Variants in NWD2 observed in about 807,000 individuals in gnomAD.
The protein encoded by NWD2 is NACHT and WD repeat domain-containing protein 2.
Under a neutral mutation model 132.7 loss-of-function variants are expected in NWD2, and 37 were observed. The observed-to-expected ratio is 0.28, with a 90% CI of 0.21 to 0.37. The LOEUF is 0.37. Among genes scored for constraint, NWD2 ranks in the 10% least tolerant of loss-of-function variants. NWD2 has a pLI of 1.00. For synonymous variants in NWD2, 705 were observed against 803.0 expected (o/e 0.88, Z 2.06); for missense variants, 1,592 against 2,122.4 (o/e 0.75, Z 4.91).
At chr4:37,335,470 C>T (rs1394941626) in intron 2 of NWD2, among the ~76,000 whole-genome samples, 1 of 152,130 alleles carries the variant, frequency 6.6e-6, no homozygotes, top group Non-Finnish European at 1.5e-5. Flanking sequence ...CCCCCACTAA[C>T]TGGGAGCTCT....
intron 5 of NWD2, among the ~76,000 whole-genome samples, chr4:37,437,353 T>A (rs139059728): frequency 7.1e-4 from 108 of 152,264 alleles, no homozygotes; most frequent in African/African-American, 2.5e-3. Context: ...CTCTGAGATC[T>A]CTTTTATATG....
rs539754619 is a variant in NWD2, at chr4:37,325,957, C to T, written c.173C>T (p.Ala58Val). Residue 58 changes from alanine (A) to valine (V), a missense_variant, in exon 2 of 7, where the codon GCG becomes GTG. By Grantham distance (64) the Ala-to-Val change is moderately conservative (BLOSUM62 0). This residue lies in a region of NWD2 where 88 missense variants were observed against 92.8 expected (regional missense o/e 0.95). Coordinates refer to ENST00000309447, the MANE Select transcript of NWD2 (RefSeq NM_001144990.2). Reference protein sequence around the residue: ...NPEDTGAERQALRENVYPKLR... With the variant: ...NPEDTGAERQVLRENVYPKLR... Reference sequence around the variant, plus strand: ...ACAGATACGGGAGCAGAAAGACAGGCGCTAAGAGAAAATGTATATCCTAAA... The same window carrying T: ...ACAGATACGGGAGCAGAAAGACAGGTGCTAAGAGAAAATGTATATCCTAAA... 1.7e-5 allele frequency: 27 copies of T among 1,547,086 alleles called. No homozygotes were observed. Among genetic ancestry groups the T allele is most frequent in the South Asian group, 6.0e-5 (5 of 83,804 alleles).
chr4:37,433,528 T>G (rs974478833), intron 4 of NWD2, among the ~76,000 whole-genome samples: 1 of 152,188 alleles, frequency 6.6e-6, no homozygotes, highest in African/African-American at 2.4e-5. Flanking sequence ...AGATATAACA[T>G]AAGAGCACCT....
intron 2 of NWD2, among the ~76,000 whole-genome samples, chr4:37,332,970 G>A (rs1280565058): frequency 1.3e-5 from 2 of 152,204 alleles, no homozygotes; most frequent in African/African-American, 2.4e-5. Flanking sequence ...CTGTGAGCTT[G>A]GGGTAGTGGT....
rs1224347687 is a variant in NWD2, at chr4:37,430,740, C to T, written c.526C>T (p.Pro176Ser). The change falls in exon 4 of 7, where the codon CCC becomes TCC. Residue 176 changes from proline (P) to serine (S), a missense_variant. By Grantham distance (74) the Pro-to-Ser change is moderately conservative (BLOSUM62 -1). Transcript: ENST00000309447. ...GGTGCCAGCAGCCTATTACCTCAGA[C>T]CCAAGTCAGAAATGCTGAGAAGCAA... is the stretch of plus-strand genomic sequence containing the variant. Reference protein sequence around the residue: ...NSVPAAYYLRPKSEMLRSNRN... With the variant: ...NSVPAAYYLRSKSEMLRSNRN... 1 of 1,551,608 alleles carries T rather than the reference C, an allele frequency of 6.4e-7. No homozygotes were observed. Among genetic ancestry groups the T allele is most frequent in the Non-Finnish European group, 8.7e-7 (1 of 1,146,850 alleles).
At chr4:37,300,787 CAT>C (rs1718598289) in intron 1 of NWD2, among the ~76,000 whole-genome samples, 1 of 151,966 alleles carries the variant, frequency 6.6e-6, no homozygotes, top group Admixed American at 6.6e-5. Context: ...TTCTGAAAAA[CAT>C]AAGGAATTTA....
chr4:37,413,425 C>T (rs1025120284), intron 3 of NWD2, among the ~76,000 whole-genome samples: 2 of 152,098 alleles, frequency 1.3e-5, no homozygotes, highest in African/African-American at 2.4e-5. Context: ...AGTGAGATAC[C>T]ATCTCACACC....
At chr4:37,269,933 C>T (rs1386942931) in intron 1 of NWD2, among the ~76,000 whole-genome samples, 1 of 151,748 alleles carries the variant, frequency 6.6e-6, no homozygotes, top group Non-Finnish European at 1.5e-5. Flanking sequence ...ATTTCTGAAA[C>T]TGGTTGTACC....
chr4:37,329,388 G>A (rs1380272913), intron 2 of NWD2, among the ~76,000 whole-genome samples: 2 of 152,128 alleles, frequency 1.3e-5, no homozygotes, highest in African/African-American at 4.8e-5. Flanking sequence ...CAGAAAGTAG[G>A]GTTAGGGCAT....
Position 37,444,172 on chromosome 4 carries a change from A to ACTC in NWD2, c.2187_2189dup (p.Leu730dup), listed in dbSNP as rs1372604580. 3.9e-6 allele frequency: 6 copies of ACTC among 1,551,616 alleles called. No individual in the cohort carries two copies. The Admixed American group carries it at 1.2e-4, about 30-fold the overall frequency. ...TAGAAAGACATGTGAAAAATGTCAC[A>ACTC]CTCCTAGTCTGGGCCAACAGACACC... On this transcript the variant is annotated inframe_insertion, in exon 7 of 7. Transcript: ENST00000309447. This position sits in a 1 kb window ranked among gnomAD's most constrained non-coding sequence, Gnocchi z 4.8.
chr4:37,361,681 T>C (rs1719984578), intron 3 of NWD2, among the ~76,000 whole-genome samples: 1 of 152,086 alleles, frequency 6.6e-6, no homozygotes, highest in Non-Finnish European at 1.5e-5. Context: ...CTCAAAATAA[T>C]AAGAGCCATC....
chr4:37,393,321 A>T (rs1210595667), intron 3 of NWD2, among the ~76,000 whole-genome samples: 1 of 152,228 alleles, frequency 6.6e-6, no homozygotes, highest in Non-Finnish European at 1.5e-5. Context: ...CAGAAATTTT[A>T]CAACAGAAAT....
At chr4:37,271,428 T>C (rs1717869089) in intron 1 of NWD2, among the ~76,000 whole-genome samples, 1 of 151,874 alleles carries the variant, frequency 6.6e-6, no homozygotes, top group Non-Finnish European at 1.5e-5. Flanking sequence ...ACATCTTTTG[T>C]TAAATTATTT....
At chr4:37,326,891 A>G (rs1719183519) in intron 2 of NWD2, among the ~76,000 whole-genome samples, 3 of 152,168 alleles carry the variant, frequency 2.0e-5, no homozygotes, top group African/African-American at 4.8e-5. Context: ...TTATCTTGAT[A>G]TACTCCTGAT....
intron 1 of NWD2, among the ~76,000 whole-genome samples, chr4:37,309,804 A>T (rs1718793427): frequency 6.6e-6 from 1 of 152,148 alleles, no homozygotes; most frequent in Non-Finnish European, 1.5e-5. Context: ...TACCTTCCCA[A>T]GTTCCAATGC....
intron 1 of NWD2, among the ~76,000 whole-genome samples, chr4:37,250,159 TACACAC>T (rs59150547): frequency 0.021 from 3,191 of 149,082 alleles, 105 homozygotes; most frequent in African/African-American, 0.074. Context: ...TGTGTGTGTA[TACACAC>T]ACACACACAC....
intron 3 of NWD2, 62 bp from the exon 4 acceptor site, chr4:37,430,510 G>A: frequency 8.7e-7 from 1 of 1,144,456 alleles, no homozygotes. Context: ...ACCATGTGAT[G>A]TGAATACTAA....
At chr4:37,382,992 C>A (rs1720486569) in intron 3 of NWD2, among the ~76,000 whole-genome samples, 1 of 152,086 alleles carries the variant, frequency 6.6e-6, no homozygotes, top group Non-Finnish European at 1.5e-5. Context: ...CCGCACCCGG[C>A]CGCCTGAAAA....
At chr4:37,426,564 G>A (rs1010327175) in intron 3 of NWD2, among the ~76,000 whole-genome samples, 1 of 152,144 alleles carries the variant, frequency 6.6e-6, no homozygotes, top group Non-Finnish European at 1.5e-5. Flanking sequence ...TTTTTAAATA[G>A]CTCTTGATTT....
Sources: gnomAD v4.1 joint callset for allele counts (sites outside exome capture counted in the v4.1 genomes callset) on GRCh38, gnomAD v4.1.1 for gene constraint, gnomAD v4.1.1 regional missense constraint, Gnocchi (gnomAD v3.1) non-coding constraint, MANE v1.5 for transcripts, NCBI Gene and HGNC (gene_info 2026-07-23, HGNC 2026-07-21) for gene names.